SOX30: variants seen among roughly 807,000 people sequenced by gnomAD.
SOX30 encodes the protein transcription factor SOX-30.
A neutral mutation model predicts 58.6 loss-of-function variants in SOX30; 17 were observed. That is an observed-to-expected ratio of 0.29 (90% CI 0.20 to 0.44). The LOEUF (loss-of-function observed/expected upper bound fraction) is 0.44, where lower values mean the gene tolerates loss of function less well. Ranked by LOEUF, SOX30 falls within the 20% of genes least tolerant of loss-of-function variation. The probability of loss-of-function intolerance (pLI) is 1.00; values close to 1 mark genes in which losing one functional copy is unlikely to be tolerated. For synonymous variants in SOX30, 421 were observed against 400.2 expected, an observed-to-expected ratio of 1.05 and a Z score of -0.62; for missense variants, 951 against 965.8, an observed-to-expected ratio of 0.98 and a Z score of 0.20.
In SOX30 at chr5:157,652,048, G is replaced by A; in HGVS notation, c.31C>T (p.Gln11Ter). Residue 11 changes from glutamine to a stop codon, truncating the protein, a stop_gained, in exon 1 of 5, where the codon CAG (glutamine) becomes TAG (stop). Coordinates refer to ENST00000265007, the MANE Select transcript of SOX30 (RefSeq NM_178424.2). LOFTEE classifies it high-confidence loss of function. MERARPEPPP[Q>*]PRPLRPAPPP... ...GGAGCGGGACGCAACGGGCGCGGCT[G>A]AGGCGGCGGCTCGGGTCTGGCTCTC... 7.0e-7 allele frequency: 1 copy of A among 1,423,194 alleles called. No individual in the cohort carries two copies. Among genetic ancestry groups the A allele is most frequent in the Non-Finnish European group, 9.1e-7 (1 of 1,097,150 alleles). 88.2% of individuals were successfully genotyped at this position (1,423,194 alleles called of 1,614,324 possible). A position where few individuals can be genotyped will look rare whatever the true frequency, so the allele number is the denominator to read the frequency against.
intron 4 of SOX30, among the ~76,000 whole-genome samples, chr5:157,627,911 G>A (rs531424470): frequency 7.2e-4 from 109 of 151,592 alleles, no homozygotes; most frequent in African/African-American, 2.3e-3. Flanking sequence ...GGAGAATGGC[G>A]TGAACCCAGA....
intron 4 of SOX30, among the ~76,000 whole-genome samples, chr5:157,632,979 C>T (rs1758847121): frequency 6.6e-6 from 1 of 152,136 alleles, no homozygotes; most frequent in South Asian, 2.1e-4. Context: ...ATCCTAGCTA[C>T]TCAGGAGGCT....
intron 4 of SOX30, among the ~76,000 whole-genome samples, chr5:157,629,572 AG>A (rs1302322668): frequency 6.6e-6 from 1 of 152,248 alleles, no homozygotes; most frequent in African/African-American, 2.4e-5. Flanking sequence ...CATGAGTGAA[AG>A]CAAAAAACTA....
chr5:157,665,390 T>G (rs189520400), intron 2 of SOX30, among the ~76,000 whole-genome samples: 1 of 152,008 alleles, frequency 6.6e-6, no homozygotes, highest in Non-Finnish European at 1.5e-5. Flanking sequence ...TAGGTGGGAA[T>G]TGAATAATGA....
intron 2 of SOX30, among the ~76,000 whole-genome samples, chr5:157,657,744 T>G (rs1162202562): frequency 6.6e-6 from 1 of 152,268 alleles, no homozygotes; most frequent in African/African-American, 2.4e-5. Context: ...TTTAGTTCTC[T>G]CTACCTAATT....
chr5:157,636,000 T>G (rs2113836860), intron 4 of SOX30, among the ~76,000 whole-genome samples: 1 of 152,372 alleles, frequency 6.6e-6, no homozygotes, highest in East Asian at 1.9e-4. Context: ...ACAACCTTGA[T>G]GAGGCTATTT....
intron 2 of SOX30, among the ~76,000 whole-genome samples, chr5:157,658,039 G>A (rs1035048346): frequency 6.6e-6 from 1 of 152,148 alleles, no homozygotes; most frequent in Admixed American, 6.5e-5. Flanking sequence ...CTTTCTACAG[G>A]TCCAGGATCC....
chr5:157,666,257 C>T (rs1021295896), intron 2 of SOX30, among the ~76,000 whole-genome samples: 3 of 151,918 alleles, frequency 2.0e-5, no homozygotes, highest in Non-Finnish European at 4.4e-5. Flanking sequence ...TGGGCACAAG[C>T]GATCCTCCCA....
intron 4 of SOX30, among the ~76,000 whole-genome samples, chr5:157,630,378 T>C (rs1040459185): frequency 3.9e-5 from 6 of 152,258 alleles, no homozygotes; most frequent in African/African-American, 1.4e-4. Flanking sequence ...AACTTTTTTG[T>C]TGAAAACTGG....
rs1364196423 is a variant in SOX30, at chr5:157,651,529, C to T, written c.550G>A (p.Gly184Ser). The T allele has an allele frequency of 1.2e-6, 2 of 1,613,406 alleles. No homozygotes were observed. Among genetic ancestry groups the T allele is most frequent in the African/African-American group, 1.3e-5 (1 of 75,068 alleles). ...ALGYFRGDEK[G>S]KLEAEEVMRD... Reference sequence around the variant, plus strand: ...ATGACCTCCTCCGCCTCCAGCTTGCCCTTCTCGTCCCCTCGGAAGTAGCCG... The same window carrying T: ...ATGACCTCCTCCGCCTCCAGCTTGCTCTTCTCGTCCCCTCGGAAGTAGCCG... The change falls in exon 1 of 5, where the codon GGC becomes AGC. Residue 184 changes from glycine to serine, a missense_variant. This residue lies in a region of SOX30 where 363 missense variants were observed against 294.5 expected (regional missense o/e 1.23). Coordinates refer to ENST00000265007, the MANE Select transcript of SOX30 (RefSeq NM_178424.2).
chr5:157,634,362 T>C (rs1047279552), intron 4 of SOX30, among the ~76,000 whole-genome samples: 1 of 152,022 alleles, frequency 6.6e-6, no homozygotes, highest in African/African-American at 2.4e-5. Flanking sequence ...TACAGGCACA[T>C]GCCACCACGA....
rs1293308612 is a variant in SOX30 at position 157,652,390 on chromosome 5, T to TA, written c.-313dup. The TA allele has an allele frequency of 6.4e-6, 7 of 1,100,950 alleles. No homozygotes were observed. The highest frequency in any genetic ancestry group is 7.7e-6 in the Non-Finnish European group (7 of 905,642). 68.2% of individuals were successfully genotyped at this position (1,100,950 alleles called of 1,614,324 possible). A position where few individuals can be genotyped will look rare whatever the true frequency, so the allele number is the denominator to read the frequency against. On this transcript the variant is annotated 5_prime_UTR_variant, in exon 1 of 5. An upstream open reading frame in the 5' UTR gains an earlier in-frame stop. Transcript: ENST00000265007. ...TTCTGACTCTCTTGTGGAGTTCTCT[T>TA]ACAGCCGTTGTCTTTAGTCATCCCT... is the stretch of plus-strand genomic sequence containing the variant.
chr5:157,645,291 T>C (rs1322456792), intron 3 of SOX30, among the ~76,000 whole-genome samples: 1 of 152,106 alleles, frequency 6.6e-6, no homozygotes, highest in African/African-American at 2.4e-5. Context: ...TCTCAGCTCA[T>C]ATGGGTGGCT....
chr5:157,643,546 T>G (rs897099453), intron 3 of SOX30, among the ~76,000 whole-genome samples: 1 of 152,140 alleles, frequency 6.6e-6, no homozygotes, highest in African/African-American at 2.4e-5. Flanking sequence ...TTAACATGAC[T>G]TCCAGCTATT....
intron 3 of SOX30, among the ~76,000 whole-genome samples, chr5:157,644,663 A>G (rs1240803709): frequency 6.6e-6 from 1 of 152,206 alleles, no homozygotes; most frequent in Non-Finnish European, 1.5e-5. Flanking sequence ...AAAAGAAGAA[A>G]ATTATATTAT....
rs749774613 is a variant in SOX30 at position 157,651,147 on chromosome 5, T to C, written c.932A>G (p.Lys311Arg). The change falls in exon 1 of 5, where the codon AAA (lysine) becomes AGA (arginine). Residue 311 changes from lysine (K) to arginine (R), a missense_variant. Transcript: ENST00000265007. ...LLEPSVKIET[K>R]DVPLTVLPSD... ...GGGCAACACGGTGAGCGGGACATCT[T>C]TGGTTTCAATTTTTACAGAAGGCTC... 5.1e-6 allele frequency: 8 copies of C among 1,572,150 alleles called. No homozygotes were observed. In the South Asian group the frequency reaches 9.4e-5, roughly 18 times the overall value.
At chr5:157,668,013 CA>C (rs1759703471) in intron 1 of SOX30, among the ~76,000 whole-genome samples, 2 of 152,208 alleles carry the variant, frequency 1.3e-5, no homozygotes, top group East Asian at 3.8e-4. Flanking sequence ...AACTTAATGT[CA>C]GATGTGAACC....
intron 4 of SOX30, among the ~76,000 whole-genome samples, chr5:157,630,997 T>TA (rs1428077773): frequency 3.2e-4 from 43 of 136,076 alleles, no homozygotes; most frequent in African/African-American, 1.1e-3. Flanking sequence ...ACTATATATA[T>TA]TTTTTATATA....
Position 157,651,442 on chromosome 5 carries a change from T to C in SOX30, c.637A>G (p.Lys213Glu). 6.2e-7 allele frequency: 1 copy of C among 1,613,508 alleles called. No homozygotes were observed. The highest frequency in any genetic ancestry group is 8.5e-7 in the Non-Finnish European group (1 of 1,180,022). Reference protein sequence around the residue: ...SPAAIREGVIKTEEPERLLED... With the variant: ...SPAAIREGVIETEEPERLLED... ...AGGAGTCTCTCGGGTTCCTCCGTTT[T>C]GATCACACCTTCTCGGATGGCTGCC... Residue 213 changes from lysine to glutamate, a missense_variant, in exon 1 of 5, where the codon AAA (lysine) becomes GAA (glutamate). Around this residue, in one of 7 missense-constraint regions of SOX30, gnomAD observed 363 missense variants for 294.5 expected, o/e 1.23. Coordinates refer to ENST00000265007, the MANE Select transcript of SOX30 (RefSeq NM_178424.2).
Sources: allele counts gnomAD v4.1 joint callset (sites outside exome capture counted in the v4.1 genomes callset), GRCh38; gene constraint gnomAD v4.1.1; regional missense constraint gnomAD v4.1.1; transcripts MANE v1.5; gene names NCBI Gene and HGNC (gene_info 2026-07-23, HGNC 2026-07-21).